Variants in SHTN1 observed in about 807,000 individuals in gnomAD.
SHTN1 encodes the protein shootin 1.
A neutral mutation model predicts 83.1 loss-of-function variants in SHTN1; 42 were observed. The ratio of observed to expected loss-of-function variants is 0.51; its 90% confidence interval spans 0.39 to 0.65. The LOEUF is 0.65. Among genes scored for constraint, SHTN1 ranks in the 30% least tolerant of loss-of-function variants. The pLI is 0.00. For synonymous variants in SHTN1, 224 were observed against 247.7 expected (o/e 0.90, Z 0.90); for missense variants, 622 against 737.8 (o/e 0.84, Z 1.82).
intron 1 of SHTN1, among the ~76,000 whole-genome samples, chr10:117,114,848 T>G (rs1853822273): frequency 6.6e-6 from 1 of 152,218 alleles, no homozygotes. Flanking sequence ...ACACTGTAAT[T>G]CTTCCAAGCT....
intron 4 of SHTN1, among the ~76,000 whole-genome samples, chr10:116,959,798 A>C (rs984767626): frequency 2.0e-5 from 3 of 152,204 alleles, no homozygotes; most frequent in African/African-American, 7.2e-5. Context: ...GGTTAGTTTT[A>C]AACTTGGTTA....
chr10:117,084,508 C>A (rs1159638906), intron 1 of SHTN1, among the ~76,000 whole-genome samples: 1 of 152,208 alleles, frequency 6.6e-6, no homozygotes, highest in Non-Finnish European at 1.5e-5. Context: ...TGTGCCCGCC[C>A]CCAGAGGTGG....
At chr10:117,100,883 G>T (rs570461251) in intron 1 of SHTN1, among the ~76,000 whole-genome samples, 1 of 152,304 alleles carries the variant, frequency 6.6e-6, no homozygotes, top group South Asian at 2.1e-4. Context: ...GAAATGGCCC[G>T]TGTAGCTGAG....
At chr10:117,010,923 C>T (rs1852094478) in intron 2 of SHTN1, among the ~76,000 whole-genome samples, 1 of 152,180 alleles carries the variant, frequency 6.6e-6, no homozygotes, top group Non-Finnish European at 1.5e-5. Context: ...GGAACATCCT[C>T]ACCATGATAA....
At position 117,053,024 on chromosome 10, in the gene SHTN1, A is replaced by AAAAAAAAAAAAAAG. The variant is rs1554934278; in HGVS notation, c.-188-4515_-188-4514insCTTTTTTTTTTTTT. ...AACAGAGCAAGACTGTGTCTCAAAA[A>AAAAAAAAAAAAAAG]AAAAAAGAATTAAGAATTAAGTTGG... On this transcript the variant is annotated intron_variant, in intron 1 of 17. Transcript: ENST00000392901. 4.7e-4 allele frequency among the ~76,000 whole-genome samples: 24 copies of AAAAAAAAAAAAAAG among 51,366 alleles called. 8 individuals carry two copies. In the East Asian group the frequency reaches 6.5e-3, roughly 14 times the overall value. The allele number at this position is 51,366 out of a possible 152,430, so 33.7% of individuals were successfully genotyped here.
At chr10:116,950,313 T>C (rs974019064) in intron 6 of SHTN1, among the ~76,000 whole-genome samples, 2 of 152,072 alleles carry the variant, frequency 1.3e-5, no homozygotes, top group Admixed American at 1.3e-4. Context: ...TACAGGCACA[T>C]GCCACCATGC....
At chr10:116,924,012 C>G (rs901906668) in intron 11 of SHTN1, among the ~76,000 whole-genome samples, 1 of 152,192 alleles carries the variant, frequency 6.6e-6, no homozygotes, top group Non-Finnish European at 1.5e-5. Flanking sequence ...ACATCCTGCT[C>G]TATCTAGCTT....
At chr10:116,908,060 T>C (rs1848045112) in intron 14 of SHTN1, among the ~76,000 whole-genome samples, 1 of 152,206 alleles carries the variant, frequency 6.6e-6, no homozygotes, top group South Asian at 2.1e-4. Context: ...AATTAACCTC[T>C]ATTAAGAGAT....
chr10:116,892,198 C>A (rs1847360833), intron 16 of SHTN1, among the ~76,000 whole-genome samples: 1 of 152,158 alleles, frequency 6.6e-6, no homozygotes, highest in African/African-American at 2.4e-5. Flanking sequence ...TGCTAGGGAG[C>A]CTTGTAGCTT....
intron 1 of SHTN1, among the ~76,000 whole-genome samples, chr10:117,100,005 C>A (rs1021684985): frequency 5.3e-5 from 8 of 151,922 alleles, no homozygotes; most frequent in Admixed American, 5.2e-4. Flanking sequence ...TGGAGAAACC[C>A]CGTCTCTACT....
At chr10:117,034,122 A>C (rs1357628484) in intron 2 of SHTN1, among the ~76,000 whole-genome samples, 4 of 152,216 alleles carry the variant, frequency 2.6e-5, no homozygotes, top group Non-Finnish European at 5.9e-5. Flanking sequence ...AAGATCTGGA[A>C]CACAACAAAG....
At chr10:117,124,826 A>C (rs1207366423) in intron 1 of SHTN1, among the ~76,000 whole-genome samples, 1 of 152,246 alleles carries the variant, frequency 6.6e-6, no homozygotes, top group Non-Finnish European at 1.5e-5. Context: ...GAGGATTCTG[A>C]CTGAAAGAAG....
intron 2 of SHTN1, among the ~76,000 whole-genome samples, chr10:117,035,945 C>T (rs1217912060): frequency 5.3e-5 from 1 of 18,912 alleles, no homozygotes; most frequent in East Asian, 8.8e-4. Flanking sequence ...GAAACTCCAT[C>T]TCAAAAAAAA....
intron 1 of SHTN1, among the ~76,000 whole-genome samples, chr10:117,052,814 T>C (rs1170997632): frequency 4.0e-5 from 6 of 150,734 alleles, no homozygotes; most frequent in African/African-American, 1.2e-4. Context: ...GGCCAGGAGA[T>C]CGAGACCATC....
In SHTN1 at chr10:116,889,866, A is replaced by G. The variant is rs564871058; in HGVS notation, c.1674-3300T>C. Among the ~76,000 whole-genome samples the G allele has an allele frequency of 1.4e-4, 21 of 152,200 alleles. No individual in the cohort carries two copies. The East Asian group carries it at 4.0e-3, about 29-fold the overall frequency. On this transcript the variant is annotated intron_variant, in intron 16 of 16. Coordinates refer to ENST00000355371, the MANE Select transcript of SHTN1 (RefSeq NM_001127211.3). ...TTTTAATTTTTCCCCTGTGGTTTGT[A>G]GCTCCTCCTGGCTTGACATCACTAG...
intron 15 of SHTN1, among the ~76,000 whole-genome samples, chr10:116,903,337 AACCTGGCCAACATGGTGAAAC>A (rs577908680): frequency 1.4e-4 from 21 of 152,098 alleles, no homozygotes; most frequent in Non-Finnish European, 2.4e-4. Context: ...GTTAGAGACC[AACCTGGCCAACATGGTGAAAC>A]CCTGTCTCTA....
chr10:117,088,007 G>A (rs1409117314), intron 1 of SHTN1, among the ~76,000 whole-genome samples: 1 of 152,186 alleles, frequency 6.6e-6, no homozygotes, highest in East Asian at 1.9e-4. Context: ...GAAGGCTGAG[G>A]CAGGAGGAAA....
At chr10:117,029,950 A>C (rs7098696) in intron 2 of SHTN1, among the ~76,000 whole-genome samples, 2 of 148,626 alleles carry the variant, frequency 1.3e-5, no homozygotes, top group South Asian at 4.3e-4. Flanking sequence ...AATGGTGTCA[A>C]CTATCTTGGC....
chr10:117,083,885 TTCAGCTCCA>T (rs1305331288), intron 1 of SHTN1, among the ~76,000 whole-genome samples: 1 of 151,800 alleles, frequency 6.6e-6, no homozygotes, highest in African/African-American at 2.4e-5. Flanking sequence ...AGCCTTGGTT[TTCAGCTCCA>T]TCAGCTCCTT....
Sources: allele counts gnomAD v4.1 joint callset (sites outside exome capture counted in the v4.1 genomes callset), GRCh38; gene constraint gnomAD v4.1.1; transcripts MANE v1.5; gene names NCBI Gene and HGNC (gene_info 2026-07-23, HGNC 2026-07-21).